Variants in PHC2 observed in about 807,000 individuals in gnomAD.
PHC2 encodes polyhomeotic homolog 2.
Under a neutral mutation model 87.4 loss-of-function variants are expected in PHC2, and 29 were observed. The observed-to-expected ratio is 0.33, with a 90% CI of 0.25 to 0.45. The LOEUF (loss-of-function observed/expected upper bound fraction) is 0.45, where lower values mean the gene tolerates loss of function less well. PHC2 is among the 20% of genes least tolerant of loss of function. The pLI is 1.00. For missense variants in PHC2, 857 were observed against 1,136.7 expected (o/e 0.75, Z 3.54); for synonymous variants, 438 against 461.7 (o/e 0.95, Z 0.66).
At chr1:33,325,714 A>T (rs1408199847) in intron 14 of PHC2, 1 of 357,880 alleles carries the variant, frequency 2.8e-6, no homozygotes, top group African/African-American at 2.1e-5. Context: ...CCTTGAGATG[A>T]CAAGTGATTG....
chr1:33,354,731 G>A (rs1447811351), intron 8 of PHC2, 107 bp downstream of exon 8: 2 of 1,380,698 alleles, frequency 1.4e-6, no homozygotes, highest in African/African-American at 2.9e-5. Flanking sequence ...CCCCAAAGAT[G>A]ACTTCACCCG....
In PHC2 at chr1:33,332,921, A is replaced by G. The variant is rs1646535207; in HGVS notation, c.1762-517T>C. On this transcript the variant is annotated intron_variant, in intron 10 of 14. Coordinates refer to ENST00000683057, the MANE Select transcript of PHC2 (RefSeq NM_001385109.1). The surrounding 1 kb of genome is among the most constrained non-coding windows in gnomAD (Gnocchi z 4.2). ...AAAACAGACCCTGGGCCACAGAGCC[A>G]ATGAACTCTCAGTTGTCAGAACCCC... 6.6e-6 allele frequency among the ~76,000 whole-genome samples: 1 copy of G among 152,190 alleles called. No individual in the cohort carries two copies. The highest frequency in any genetic ancestry group is 1.5e-5 in the Non-Finnish European group (1 of 68,018).
chr1:33,386,114 T>C (rs1365846174), intron 1 of PHC2, among the ~76,000 whole-genome samples: 1 of 152,032 alleles, frequency 6.6e-6, no homozygotes, highest in Non-Finnish European at 1.5e-5. Flanking sequence ...AATTTTTTTA[T>C]GTTATAATCT....
chr1:33,361,679 C>G (rs904131407), intron 7 of PHC2, among the ~76,000 whole-genome samples: 8 of 152,216 alleles, frequency 5.3e-5, no homozygotes, highest in African/African-American at 1.7e-4. Context: ...AAATAACAGT[C>G]TCTGAGGGAG....
intron 7 of PHC2, among the ~76,000 whole-genome samples, chr1:33,356,566 C>G (rs917858186): frequency 6.6e-6 from 1 of 151,808 alleles, no homozygotes; most frequent in Non-Finnish European, 1.5e-5. Context: ...CCATTTAACC[C>G]TGAGTGGACA....
intron 9 of PHC2, chr1:33,347,556 A>G (rs1215897860): frequency 1.0e-6 from 1 of 985,500 alleles, no homozygotes; most frequent in Non-Finnish European, 1.2e-6. Context: ...ATGTCAGTAA[A>G]GAACAGTTTG....
intron 1 of PHC2, among the ~76,000 whole-genome samples, chr1:33,426,819 A>G (rs1650691989): frequency 6.6e-6 from 1 of 151,360 alleles, no homozygotes; most frequent in African/African-American, 2.5e-5. Context: ...GGTAGTACAG[A>G]TACCCTCAGG....
At chr1:33,341,709 C>T (rs150030610) in intron 9 of PHC2, among the ~76,000 whole-genome samples, 15 of 152,352 alleles carry the variant, frequency 9.8e-5, no homozygotes, top group Admixed American at 2.6e-4. Context: ...ACATTGATTA[C>T]GTGTGCGTCT....
chr1:33,370,350 C>A, intron 5 of PHC2, 71 bp downstream of exon 5: 3 of 1,487,114 alleles, frequency 2.0e-6, no homozygotes, highest in Non-Finnish European at 2.8e-6. Context: ...TTCTCCAGCT[C>A]CCAGCTCCCA....
intron 1 of PHC2, among the ~76,000 whole-genome samples, chr1:33,383,217 G>A (rs938231216): frequency 3.3e-5 from 5 of 152,182 alleles, no homozygotes. Flanking sequence ...GTCCTGATTT[G>A]TTCCAGTCTG....
Position 33,346,428 on chromosome 1 carries a change from T to G in PHC2, c.1558+7973A>C, listed in dbSNP as rs1323576575. The G allele has an allele frequency of 3.0e-6, 3 of 985,178 alleles. No individual in the cohort carries two copies. The African/African-American group carries it at 5.2e-5, about 17-fold the overall frequency. 61.0% of individuals were successfully genotyped at this position (985,178 alleles called of 1,614,324 possible). ...AAGAGAAACTATCAATTATGAAGAC[T>G]CCTCATTCTCATTTCCCTACTCTCG... On this transcript the variant is annotated intron_variant, in intron 9 of 14. Coordinates refer to ENST00000683057, the MANE Select transcript of PHC2 (RefSeq NM_001385109.1).
intron 9 of PHC2, chr1:33,347,371 G>C: frequency 1.0e-6 from 1 of 985,436 alleles, no homozygotes; most frequent in Non-Finnish European, 1.2e-6. Context: ...GACTGTGACA[G>C]AAGGAAAAGG....
At chr1:33,417,798 A>G (rs1276849886) in intron 1 of PHC2, among the ~76,000 whole-genome samples, 1 of 152,150 alleles carries the variant, frequency 6.6e-6, no homozygotes, top group Admixed American at 6.5e-5. Context: ...AGAACATTCC[A>G]CCTAATGACA....
At position 33,385,668 on chromosome 1, in the gene PHC2, AT is replaced by A. The variant is rs754795399; in HGVS notation, c.-54-10076del. On this transcript the variant is annotated intron_variant, in intron 1 of 14. Transcript: ENST00000683057. ...TTTCCTTCAATAAACTCAAAGTTAG[AT>A]TTTGAGACCGGCTGGTCTCAGGCCC... is the stretch of plus-strand genomic sequence containing the variant. Among the ~76,000 whole-genome samples the A allele has an allele frequency of 3.3e-5, 5 of 152,194 alleles. No individual in the cohort carries two copies. In the South Asian group the frequency reaches 6.2e-4, roughly 19 times the overall value.
chr1:33,333,637 C>A (rs565281396), intron 10 of PHC2: 16 of 167,752 alleles, frequency 9.5e-5, no homozygotes, highest in African/African-American at 3.1e-4. Flanking sequence ...CCTGTTTCCT[C>A]ACATTCATTT....
intron 9 of PHC2, chr1:33,346,306 C>T (rs1406231001): frequency 2.0e-6 from 2 of 985,314 alleles, no homozygotes; most frequent in African/African-American, 3.5e-5. Context: ...ACAAAAGCCT[C>T]TCTCTACAAC....
At chr1:33,410,732 G>A (rs1649949216) in intron 1 of PHC2, among the ~76,000 whole-genome samples, 1 of 152,172 alleles carries the variant, frequency 6.6e-6, no homozygotes. Context: ...ATTTCCATTT[G>A]TAGGACTGGA....
chr1:33,419,977 G>C (rs984338139), intron 1 of PHC2, among the ~76,000 whole-genome samples: 1 of 151,688 alleles, frequency 6.6e-6, no homozygotes, highest in Non-Finnish European at 1.5e-5. Flanking sequence ...CCCATGTCAA[G>C]ATCCTTAATT....
intron 10 of PHC2, 130 bp downstream of exon 10, chr1:33,333,960 G>C (rs1169271230): frequency 1.3e-6 from 1 of 775,812 alleles, no homozygotes; most frequent in African/African-American, 1.8e-5. Flanking sequence ...TATATTCTTT[G>C]GGGGAGGAAG....
Sources: gnomAD v4.1 joint callset for allele counts (sites outside exome capture counted in the v4.1 genomes callset) on GRCh38, gnomAD v4.1.1 for gene constraint, Gnocchi (gnomAD v3.1) non-coding constraint, MANE v1.5 for transcripts, NCBI Gene and HGNC (gene_info 2026-07-23, HGNC 2026-07-21) for gene names.